Variants in DNAH6 observed in about 807,000 individuals in gnomAD.
DNAH6 encodes axonemal beta dynein heavy chain 6.
A neutral mutation model predicts 491.4 loss-of-function variants in DNAH6; 340 were observed. The ratio of observed to expected loss-of-function variants is 0.69; its 90% CI spans 0.63 to 0.76. The LOEUF (loss-of-function observed/expected upper bound fraction) is 0.76, where lower values mean the gene tolerates loss of function less well. Among genes scored for constraint, DNAH6 ranks in the 30% least tolerant of loss-of-function variants. DNAH6 has a pLI of 0.00. For missense variants in DNAH6, 4,443 were observed against 4,972.2 expected (o/e 0.89, Z 3.20); for synonymous variants, 1,603 against 1,686.1 (o/e 0.95, Z 1.21).
chr2:84,698,601 A>G (rs1695604804), intron 47 of DNAH6, among the ~76,000 whole-genome samples: 1 of 152,256 alleles, frequency 6.6e-6, no homozygotes, highest in Non-Finnish European at 1.5e-5. Flanking sequence ...AGCTGAAATC[A>G]GGAGCCACTT....
the DNAH6 span, among the ~76,000 whole-genome samples, chr2:84,461,192 C>T: frequency 6.6e-6 from 1 of 152,192 alleles, no homozygotes; most frequent in African/African-American, 2.4e-5. Context: ...AAGTTAATCA[C>T]TTATGTCTTT....
chr2:84,494,654 A>G, the DNAH6 span, among the ~76,000 whole-genome samples: 1 of 152,218 alleles, frequency 6.6e-6, no homozygotes, highest in East Asian at 1.9e-4. Context: ...TTTGACATCT[A>G]CCCAAAACAG....
At chr2:84,688,657 A>C in intron 45 of DNAH6, 64 bp downstream of exon 45, 1 of 1,363,406 alleles carries the variant, frequency 7.3e-7, no homozygotes, top group Non-Finnish European at 9.8e-7. Flanking sequence ...AAGGGTAAAA[A>C]AATAAGTTGT....
intron 68 of DNAH6, among the ~76,000 whole-genome samples, chr2:84,793,012 C>T (rs1249529005): frequency 6.6e-6 from 1 of 152,124 alleles, no homozygotes; most frequent in African/African-American, 2.4e-5. Flanking sequence ...TCAAAGTTGG[C>T]AAAGACAAAG....
intron 36 of DNAH6, 58 bp downstream of exon 36, chr2:84,658,532 C>A (rs887772932): frequency 8.2e-7 from 1 of 1,221,088 alleles, no homozygotes. Flanking sequence ...TGTATAAGTT[C>A]TTTGCAAAGA....
At chr2:84,710,200 A>G in intron 55 of DNAH6, 87 bp from the exon 56 acceptor site, 1 of 1,475,470 alleles carries the variant, frequency 6.8e-7, no homozygotes, top group Non-Finnish European at 9.0e-7. Context: ...ATTGAATAAC[A>G]TTTCCACACT....
chr2:84,563,615 C>T (rs180841563), intron 11 of DNAH6, among the ~76,000 whole-genome samples: 52 of 152,092 alleles, frequency 3.4e-4, no homozygotes, highest in Middle Eastern at 6.8e-3. Context: ...TTGTCAAATG[C>T]GGTTTGTGAA....
chr2:84,767,565 CGT>C (rs1675204426), intron 64 of DNAH6, among the ~76,000 whole-genome samples: 1 of 150,574 alleles, frequency 6.6e-6, no homozygotes, highest in Non-Finnish European at 1.5e-5. Context: ...TATTTATAAG[CGT>C]ATATATATAT....
chr2:84,802,950 CTGAA>C (rs1436865725), intron 70 of DNAH6, among the ~76,000 whole-genome samples: 2 of 152,094 alleles, frequency 1.3e-5, no homozygotes, highest in Non-Finnish European at 2.9e-5. Flanking sequence ...CAACTTGCTC[CTGAA>C]TGACTTTTGG....
chr2:84,801,368 C>A (rs563461815), intron 70 of DNAH6, among the ~76,000 whole-genome samples: 2 of 151,494 alleles, frequency 1.3e-5, no homozygotes, highest in Admixed American at 1.3e-4. Context: ...CATGCAGATA[C>A]AAGAAATCCA....
chr2:84,630,462 G>C lies in DNAH6; in HGVS notation c.4516-4042G>C, dbSNP rs746683417. Among the ~76,000 whole-genome samples, 64 of 152,238 alleles carry C rather than the reference G, an allele frequency of 4.2e-4. 1 individual carries two copies. The highest frequency in any genetic ancestry group is 1.8e-3 in the Admixed American group (28 of 15,284). ...AAATACCAGTTTTCAAGAAGTACAG[G>C]TGTATGAGATAAAGGACCATGTTAA... On this transcript the variant is annotated intron_variant, in intron 29 of 76. Coordinates refer to ENST00000389394, the MANE Select transcript of DNAH6 (RefSeq NM_001370.2).
chr2:84,611,587 G>A (rs549496592), intron 21 of DNAH6, 87 bp from the exon 22 acceptor site: 1 of 1,159,776 alleles, frequency 8.6e-7, no homozygotes, highest in South Asian at 1.5e-5. Flanking sequence ...AAAAGATACA[G>A]TGATTCCCTG....
chr2:84,677,733 C>T (rs1184473097), intron 41 of DNAH6, among the ~76,000 whole-genome samples: 3 of 152,142 alleles, frequency 2.0e-5, no homozygotes, highest in Non-Finnish European at 4.4e-5. Context: ...TTGAGTAGAA[C>T]AGTAAGAGAA....
intron 22 of DNAH6, among the ~76,000 whole-genome samples, chr2:84,612,303 C>G (rs1686420910): frequency 6.6e-6 from 1 of 151,974 alleles, no homozygotes; most frequent in South Asian, 2.1e-4. Context: ...AAAATATTAC[C>G]ACTTATTACA....
the DNAH6 span, among the ~76,000 whole-genome samples, chr2:84,464,113 T>G: frequency 6.6e-6 from 1 of 152,200 alleles, no homozygotes; most frequent in Admixed American, 6.5e-5. Flanking sequence ...TGCTGGCATC[T>G]CCTGATACAT....
At chr2:84,690,469 G>A (rs1473325512) in intron 45 of DNAH6, among the ~76,000 whole-genome samples, 1 of 152,012 alleles carries the variant, frequency 6.6e-6, no homozygotes, top group Non-Finnish European at 1.5e-5. Context: ...AGCCTACAAG[G>A]AAAAAAATAA....
chr2:84,595,495 T>A (rs1441646387), intron 17 of DNAH6, 151 bp from the exon 18 acceptor site: 2 of 653,414 alleles, frequency 3.1e-6, no homozygotes. Flanking sequence ...TGATGCTGGA[T>A]ATATAATGTT....
intron 63 of DNAH6, among the ~76,000 whole-genome samples, chr2:84,750,288 T>C (rs1673344908): frequency 6.7e-6 from 1 of 150,010 alleles, no homozygotes; most frequent in Non-Finnish European, 1.5e-5. Context: ...GCTCAAAGGA[T>C]CCTCCCACTT....
intron 14 of DNAH6, among the ~76,000 whole-genome samples, chr2:84,583,647 G>T (rs1683260912): frequency 6.6e-6 from 1 of 152,180 alleles, no homozygotes; most frequent in Non-Finnish European, 1.5e-5. Context: ...AATCATGGGG[G>T]TGGTTTCCCC....
Sources: gnomAD v4.1 joint callset for allele counts (sites outside exome capture counted in the v4.1 genomes callset) on GRCh38, gnomAD v4.1.1 for gene constraint, MANE v1.5 for transcripts, NCBI Gene and HGNC (gene_info 2026-07-23, HGNC 2026-07-21) for gene names.